The following HEATR6 variants were observed in gnomAD, a reference collection of about 807,000 sequenced individuals.
HEATR6 encodes HEAT repeat containing 6.
In HEATR6, 106 loss-of-function variants were observed where a neutral mutation model predicts 132.8. The observed-to-expected ratio is 0.80, with a 90% CI of 0.68 to 0.94. The LOEUF is 0.94. Ranked by LOEUF, HEATR6 falls within the 40% of genes least tolerant of loss-of-function variation. HEATR6 has a pLI of 0.00. For missense variants in HEATR6, 1,339 were observed against 1,425.1 expected (o/e 0.94, Z 0.97); for synonymous variants, 529 against 537.8 (o/e 0.98, Z 0.23).
At chr17:60,059,223 T>C (rs1243322327) in intron 11 of HEATR6, among the ~76,000 whole-genome samples, 199 bp downstream of exon 11, 1 of 152,206 alleles carries the variant, frequency 6.6e-6, no homozygotes, top group Non-Finnish European at 1.5e-5. Context: ...ATTAATCCTC[T>C]AGCTCACTTC....
intron 1 of HEATR6, 118 bp from the exon 2 acceptor site, chr17:60,076,355 G>C (rs914667448): frequency 8.2e-6 from 5 of 612,354 alleles, no homozygotes; most frequent in Non-Finnish European, 1.1e-5. Context: ...GAAAGAAAAT[G>C]TGAGGCAGGA....
Position 60,069,765 on chromosome 17 carries a change from C to T in HEATR6, c.885G>A (p.Gly295=), listed in dbSNP as rs755319617. The change falls in exon 7 of 20, where the codon GGG becomes GGA. Residue 295 remains glycine, a synonymous_variant. Coordinates refer to ENST00000184956, the MANE Select transcript of HEATR6 (RefSeq NM_022070.5). The part of the protein sequence containing the change: ...LYPTPLPQYD[G]RTPIKPQQSE... ...ATTGCTGTGGTTTGATAGGTGTTCGCCCATCATACTGAGGAAGCGGAGTTG... is the reference window on the plus strand; with the variant it reads ...ATTGCTGTGGTTTGATAGGTGTTCGTCCATCATACTGAGGAAGCGGAGTTG... 6.2e-7 allele frequency: 1 copy of T among 1,614,026 alleles called. No individual in the cohort carries two copies. Among genetic ancestry groups the T allele is most frequent in the Admixed American group, 1.7e-5 (1 of 60,004 alleles).
chr17:60,051,848 G>C (rs1287180137), intron 14 of HEATR6, among the ~76,000 whole-genome samples: 1 of 152,138 alleles, frequency 6.6e-6, no homozygotes, highest in Non-Finnish European at 1.5e-5. Flanking sequence ...CACTCCAGAA[G>C]AATGTGGACA....
chr17:60,045,025 C>T (rs904101390), intron 19 of HEATR6, among the ~76,000 whole-genome samples: 2 of 152,218 alleles, frequency 1.3e-5, no homozygotes, highest in Non-Finnish European at 2.9e-5. Flanking sequence ...GCTTCCCTTT[C>T]CCTCCAAGTC....
Position 60,048,404 on chromosome 17 carries a change from A to G in HEATR6, c.2548-16T>C. On this transcript the variant is annotated splice_polypyrimidine_tract_variant and intron_variant, in intron 16 of 19. Coordinates refer to ENST00000184956, the MANE Select transcript of HEATR6 (RefSeq NM_022070.5). ...ATATGACATCCTGTAACACAAAACA[A>G]AACACTGCAGTTACTTTAGCAGGTC... is the stretch of plus-strand genomic sequence containing the variant. The G allele has an allele frequency of 6.2e-7, 1 of 1,602,108 alleles. No homozygotes were observed. The highest frequency in any genetic ancestry group is 8.5e-7 in the Non-Finnish European group (1 of 1,171,408).
intron 19 of HEATR6, among the ~76,000 whole-genome samples, chr17:60,044,866 T>C (rs1906309366): frequency 6.6e-6 from 1 of 152,216 alleles, no homozygotes; most frequent in African/African-American, 2.4e-5. Flanking sequence ...GCCAGTGCCA[T>C]TGACAATGGG....
intron 12 of HEATR6, 61 bp downstream of exon 12, chr17:60,056,987 A>G: frequency 7.7e-7 from 1 of 1,302,660 alleles, no homozygotes; most frequent in Non-Finnish European, 1.1e-6. Context: ...CGCTCCTCAC[A>G]GTCACTCTGA....
chr17:60,069,475 T>C (rs2083259449), intron 7 of HEATR6, among the ~76,000 whole-genome samples: 1 of 152,212 alleles, frequency 6.6e-6, no homozygotes, highest in Admixed American at 6.5e-5. Flanking sequence ...GTTTGGGGTA[T>C]AAAGTGAATG....
chr17:60,068,370 C>CA, intron 7 of HEATR6, among the ~76,000 whole-genome samples: 1 of 151,836 alleles, frequency 6.6e-6, no homozygotes, highest in South Asian at 2.1e-4. Context: ...TCTTCCTCCA[C>CA]GTTCTCAAAG....
chr17:60,044,401 T>C (rs753102740), intron 19 of HEATR6, among the ~76,000 whole-genome samples: 2 of 152,148 alleles, frequency 1.3e-5, no homozygotes, highest in Non-Finnish European at 2.9e-5. Flanking sequence ...TATAAAGCCT[T>C]TGGTGACTCA....
chr17:60,075,847 A>T, intron 2 of HEATR6: 1 of 177,624 alleles, frequency 5.6e-6, no homozygotes, highest in South Asian at 1.4e-4. Flanking sequence ...TCTCAAAAAA[A>T]AAAAAAAAAA....
Position 60,057,338 on chromosome 17 carries a change from G to A in HEATR6, c.1789C>T (p.Pro597Ser). Residue 597 changes from proline (P) to serine (S), a missense_variant, in exon 12 of 20, where the codon CCT becomes TCT. Physicochemically the swap from Pro to Ser is moderately conservative, Grantham distance 74. Coordinates refer to ENST00000184956, the MANE Select transcript of HEATR6 (RefSeq NM_022070.5). ...TGTTGCAGAAGTAGTTGGACTTCAG[G>A]TAAAGGTGCGTGGGTGGACACTATA... ...GAIVSTHAPLPEVQLLLQQPC... is the reference protein window; with the variant it reads ...GAIVSTHAPLSEVQLLLQQPC... 1 of 1,614,084 alleles carries A rather than the reference G, an allele frequency of 6.2e-7. No homozygotes were observed. Among genetic ancestry groups the A allele is most frequent in the Non-Finnish European group, 8.5e-7 (1 of 1,179,960 alleles).
Position 60,057,088 on chromosome 17 carries a change from C to G in HEATR6, c.2039G>C (p.Ser680Thr), listed in dbSNP as rs202021358. Residue 680 changes from serine (S) to threonine (T), a missense_variant, in exon 12 of 20, where the codon AGC becomes ACC. By Grantham distance (58) the Ser-to-Thr change is moderately conservative. Coordinates refer to ENST00000184956, the MANE Select transcript of HEATR6 (RefSeq NM_022070.5). ...SGSDAGSAAG[S>T]TYEPSPMRLE... ...TCGCATGGGGGATGGTTCGTAGGTG[C>G]TTCCTGCTGCAGAGCCAGCATCGCT... 3.7e-6 allele frequency: 6 copies of G among 1,612,916 alleles called. No individual in the cohort carries two copies. Among genetic ancestry groups the G allele is most frequent in the Non-Finnish European group, 5.1e-6 (6 of 1,179,258 alleles).
intron 1 of HEATR6, 72 bp from the exon 2 acceptor site, chr17:60,076,309 G>T: frequency 1.3e-6 from 1 of 757,992 alleles, no homozygotes; most frequent in Non-Finnish European, 2.2e-6. Flanking sequence ...ACAGCCAAAT[G>T]GGAAAATAAA....
chr17:60,078,682 G>C lies in HEATR6; in HGVS notation c.219+14C>G. The C allele has an allele frequency of 6.5e-7, 1 of 1,533,252 alleles. No homozygotes were observed. Among genetic ancestry groups the C allele is most frequent in the Non-Finnish European group, 8.8e-7 (1 of 1,141,188 alleles). The allele number at this position is 1,533,252 out of a possible 1,614,324, so 95.0% of individuals were successfully genotyped here. On this transcript the variant is annotated intron_variant, in intron 1 of 19. Coordinates refer to ENST00000184956, the MANE Select transcript of HEATR6 (RefSeq NM_022070.5). ...GTGGGGCCGGGGCCGGGGCCAGCAG[G>C]GCGCGCCGCCTACCTCCGGGGCCAC...
rs1299800304 is a variant in HEATR6 at position 60,059,909 on chromosome 17, G to T, written c.1604C>A (p.Thr535Asn). 16 of 1,613,444 alleles carry T rather than the reference G, an allele frequency of 9.9e-6. No individual in the cohort carries two copies. The highest frequency in any genetic ancestry group is 1.3e-5 in the Non-Finnish European group (15 of 1,179,508). The change falls in exon 10 of 20, where the codon ACC (threonine) becomes AAC (asparagine). Residue 535 changes from threonine (T) to asparagine (N), a missense_variant. By Grantham distance (65) the Thr-to-Asn change is moderately conservative (BLOSUM62 0). Transcript: ENST00000184956. Reference protein sequence around the residue: ...LALVAESSSQTVTQIIKCLAN... With the variant: ...LALVAESSSQNVTQIIKCLAN... ...CATTACCTTAATTATCTGAGTAACG[G>T]TCTGTGAGGATGACTCCGCCACCAA...
Position 60,078,807 on chromosome 17 carries a change from C to G in HEATR6, c.108G>C (p.Arg36Ser). 1.2e-6 allele frequency: 2 copies of G among 1,600,790 alleles called. No individual in the cohort carries two copies. The highest frequency in any genetic ancestry group is 2.3e-5 in the South Asian group (2 of 88,126). The change falls in exon 1 of 20, where the codon AGG (arginine) becomes AGC (serine). Residue 36 changes from arginine to serine, a missense_variant. Physicochemically the swap from Arg to Ser is moderately radical, Grantham distance 110 (BLOSUM62 -1). Coordinates refer to ENST00000184956, the MANE Select transcript of HEATR6 (RefSeq NM_022070.5). ...RGNGFRLLSA[R>S]LCALRPDDSS... is the part of the protein sequence containing the mutation. The stretch of plus-strand genomic sequence containing the variant: ...TGTCATCCGGGCGCAGGGCGCAGAG[C>G]CTGGCAGACAAGAGGCGAAACCCAT...
chr17:60,060,144 A>T, intron 9 of HEATR6, 48 bp from the exon 10 acceptor site: 1 of 1,263,226 alleles, frequency 7.9e-7, no homozygotes, highest in Non-Finnish European at 1.2e-6. Context: ...ATTAGGAGTC[A>T]GATTCCCTTC....
intron 6 of HEATR6, 40 bp downstream of exon 6, chr17:60,070,666 G>T: frequency 8.4e-7 from 1 of 1,190,146 alleles, no homozygotes. Context: ...ACCATGGGTT[G>T]AAACAGGAAA....
Sources: allele counts gnomAD v4.1 joint callset (sites outside exome capture counted in the v4.1 genomes callset), GRCh38; gene constraint gnomAD v4.1.1; transcripts MANE v1.5; gene names NCBI Gene and HGNC (gene_info 2026-07-23, HGNC 2026-07-21).